Variants in GARIN1A observed in about 807,000 individuals in gnomAD.
The protein encoded by GARIN1A is Golgi-associated RAB2 interactor protein 1A.
At chr7:128,677,606 G>T in the GARIN1A span, 1 of 1,613,244 alleles carries the variant, frequency 6.2e-7, no homozygotes. Flanking sequence ...TCTACGACCG[G>T]CTCCAGCGCA....
At chr7:128,701,432 G>A in the GARIN1A span, among the ~76,000 whole-genome samples, 1 of 1,414 alleles carries the variant, frequency 7.1e-4, no homozygotes. Flanking sequence ...AGGGGAAGGG[G>A]AGGGGAGGGG....
chr7:128,700,279 A>ATTTTTT, the GARIN1A span, among the ~76,000 whole-genome samples: 1 of 119,474 alleles, frequency 8.4e-6, no homozygotes, highest in Non-Finnish European at 1.8e-5. Flanking sequence ...TTTGTTTTGT[A>ATTTTTT]TTTTGTTTTT....
the GARIN1A span, chr7:128,693,903 G>GTCA: frequency 6.5e-6 from 1 of 154,674 alleles, no homozygotes; most frequent in South Asian, 2.0e-4. Context: ...ACAACGGGGA[G>GTCA]TGCAATGACT....
chr7:128,701,927 A>G, the GARIN1A span, among the ~76,000 whole-genome samples: 2 of 152,170 alleles, frequency 1.3e-5, no homozygotes, highest in Admixed American at 1.3e-4. Context: ...TATCCTACAC[A>G]AAAATAAGAA....
chr7:128,693,828 A>G, the GARIN1A span: 124 of 158,444 alleles, frequency 7.8e-4, no homozygotes, highest in Non-Finnish European at 1.2e-3. Context: ...TCTTTGTCAC[A>G]TGCCGCATGG....
At chr7:128,703,691 C>T in the GARIN1A span, among the ~76,000 whole-genome samples, 2 of 151,924 alleles carry the variant, frequency 1.3e-5, no homozygotes, top group South Asian at 2.1e-4. Context: ...GCAGGAGGAT[C>T]GCTTGAGCAG....
chr7:128,705,801 A>T, the GARIN1A span, among the ~76,000 whole-genome samples: 1 of 151,448 alleles, frequency 6.6e-6, no homozygotes, highest in African/African-American at 2.4e-5. Context: ...AATAGCTGGG[A>T]CCACAGGCGC....
chr7:128,689,419 G>A, the GARIN1A span, among the ~76,000 whole-genome samples: 3 of 151,720 alleles, frequency 2.0e-5, no homozygotes, highest in African/African-American at 4.9e-5. Context: ...CGTCTGGGAT[G>A]TGAGGAGCGC....
the GARIN1A span, among the ~76,000 whole-genome samples, chr7:128,681,005 A>G: frequency 1.3e-4 from 20 of 152,382 alleles, no homozygotes; most frequent in Non-Finnish European, 2.6e-4. Context: ...TGCAACCAAT[A>G]TGCTGCACAA....
At chr7:128,691,993 A>T in the GARIN1A span, among the ~76,000 whole-genome samples, 2 of 152,204 alleles carry the variant, frequency 1.3e-5, no homozygotes, top group Non-Finnish European at 2.9e-5. Context: ...CTGGCCAGGC[A>T]GTCCCGGCCA....
the GARIN1A span, chr7:128,675,603 C>T: frequency 6.5e-7 from 1 of 1,528,184 alleles, no homozygotes. Flanking sequence ...TGATGTGCCA[C>T]TTTCCAGCAT....
the GARIN1A span, chr7:128,677,585 G>A: frequency 1.2e-6 from 2 of 1,610,554 alleles, no homozygotes; most frequent in African/African-American, 2.7e-5. Flanking sequence ...TGAAGTACGT[G>A]GAGCTACGAA....
chr7:128,676,607 T>G, the GARIN1A span, among the ~76,000 whole-genome samples: 1 of 151,954 alleles, frequency 6.6e-6, no homozygotes, highest in Non-Finnish European at 1.5e-5. Flanking sequence ...TTTGTCAATA[T>G]AGATAGAGGG....
At chr7:128,674,316 G>T in the GARIN1A span, among the ~76,000 whole-genome samples, 1 of 152,082 alleles carries the variant, frequency 6.6e-6, no homozygotes, top group African/African-American at 2.4e-5. Flanking sequence ...ATAGAGACAG[G>T]GTCTCACTAT....
the GARIN1A span, chr7:128,691,030 A>T: frequency 6.6e-6 from 1 of 152,196 alleles, no homozygotes; most frequent in African/African-American, 2.4e-5. Context: ...TAATATAAAT[A>T]TTAACTCTGA....
chr7:128,677,766 A>T, the GARIN1A span: 1 of 1,613,732 alleles, frequency 6.2e-7, no homozygotes, highest in Non-Finnish European at 8.5e-7. Flanking sequence ...AATCAAATTC[A>T]CTCACTGCCT....
the GARIN1A span, among the ~76,000 whole-genome samples, chr7:128,696,996 G>A: frequency 6.6e-6 from 1 of 152,220 alleles, no homozygotes; most frequent in Non-Finnish European, 1.5e-5. Context: ...AGGGAAGATG[G>A]TACTTTGGGG....
chr7:128,691,277 T>C, the GARIN1A span: 7 of 152,262 alleles, frequency 4.6e-5, 1 homozygote, highest in South Asian at 1.2e-3. Context: ...TCCAAGCTGA[T>C]CTACATCTAA....
At chr7:128,675,837 G>T in the GARIN1A span, 1 of 1,612,818 alleles carries the variant, frequency 6.2e-7, no homozygotes, top group East Asian at 2.2e-5. Flanking sequence ...ACCTGGTGAC[G>T]CCCCAGTCAT....
Sources: gnomAD v4.1 joint callset for allele counts (sites outside exome capture counted in the v4.1 genomes callset) on GRCh38, gnomAD v4.1.1 for gene constraint, MANE v1.5 for transcripts, NCBI Gene and HGNC (gene_info 2026-07-23, HGNC 2026-07-21) for gene names.